The following GLCE variants were observed in gnomAD, a reference collection of about 807,000 sequenced individuals.
GLCE encodes the protein glucuronic acid epimerase, also known as D-glucuronyl C5-epimerase.
GLCE carries 19 observed loss-of-function variants against 47.9 expected under a neutral mutation model. That is an observed-to-expected ratio of 0.40 (90% confidence interval 0.28 to 0.58). GLCE has a LOEUF of 0.58. Ranked by LOEUF, GLCE falls within the 20% of genes least tolerant of loss-of-function variation. The probability of loss-of-function intolerance (pLI) is 0.48; values close to 1 mark genes in which losing one functional copy is unlikely to be tolerated. For missense variants in GLCE, 556 were observed against 743.3 expected, an observed-to-expected ratio of 0.75 and a Z score of 2.93; for synonymous variants, 245 against 263.4, an observed-to-expected ratio of 0.93 and a Z score of 0.68.
chr15:69,195,604 T>TG (rs2140357324), intron 1 of GLCE, among the ~76,000 whole-genome samples: 1 of 152,270 alleles, frequency 6.6e-6, no homozygotes, highest in African/African-American at 2.4e-5. Flanking sequence ...ATCAGTCGTG[T>TG]TGCTCCTTGT....
chr15:69,169,842 C>T (rs910323480), intron 1 of GLCE, among the ~76,000 whole-genome samples: 10 of 151,880 alleles, frequency 6.6e-5, no homozygotes, highest in African/African-American at 1.5e-4. Context: ...TGAATAGTGC[C>T]GCAATAAACA....
At chr15:69,266,990 A>G (rs563597332) in intron 4 of GLCE, among the ~76,000 whole-genome samples, 1 of 152,360 alleles carries the variant, frequency 6.6e-6, no homozygotes, top group East Asian at 1.9e-4. Flanking sequence ...AGCTGTGAAA[A>G]GATCAAGATA....
intron 2 of GLCE, among the ~76,000 whole-genome samples, chr15:69,224,507 A>T (rs561286632): frequency 6.6e-6 from 1 of 152,248 alleles, no homozygotes; most frequent in South Asian, 2.1e-4. Context: ...ATTTCAGGGG[A>T]GCAGGGGGGC....
At chr15:69,254,455 T>A (rs767157513) in intron 2 of GLCE, among the ~76,000 whole-genome samples, 1 of 152,088 alleles carries the variant, frequency 6.6e-6, no homozygotes, top group Non-Finnish European at 1.5e-5. Context: ...AAGAATAGAC[T>A]TGAGGGTGGA....
intron 1 of GLCE, among the ~76,000 whole-genome samples, chr15:69,206,850 T>G (rs1176007295): frequency 2.6e-5 from 4 of 152,070 alleles, no homozygotes; most frequent in Non-Finnish European, 5.9e-5. Context: ...TTTCAAGGCC[T>G]TCTCAGAGGA....
At position 69,269,326 on chromosome 15, in the gene GLCE, TA is replaced by T; in HGVS notation, c.*86del. ...GTCTCAGGAGAGCATAGGCACATTT[TA>T]AAAGGTTATGTACTAGGTTTTTGTG... is the stretch of plus-strand genomic sequence containing the variant. On this transcript the variant is annotated 3_prime_UTR_variant, in exon 5 of 5. Coordinates refer to ENST00000261858, the MANE Select transcript of GLCE (RefSeq NM_015554.3). The T allele has an allele frequency of 1.8e-6, 2 of 1,101,436 alleles. No homozygotes were observed. The highest frequency in any genetic ancestry group is 2.7e-6 in the Non-Finnish European group (2 of 751,814). The allele number at this position is 1,101,436 out of a possible 1,614,324, so 68.2% of individuals were successfully genotyped here.
In GLCE at chr15:69,271,858, C is replaced by T. The variant is rs1178191613; in HGVS notation, c.*2614C>T. On this transcript the variant is annotated 3_prime_UTR_variant, in exon 5 of 5. Coordinates refer to ENST00000261858, the MANE Select transcript of GLCE (RefSeq NM_015554.3). ...AATGACACAAGCACAACTCTCCAGA[C>T]GTGGCTCCTTCTCCTTTCTCAGTGC... 6.5e-6 allele frequency: 1 copy of T among 152,674 alleles called. No individual in the cohort carries two copies. Among genetic ancestry groups the T allele is most frequent in the Non-Finnish European group, 1.5e-5 (1 of 68,044 alleles). 9.5% of individuals were successfully genotyped at this position (152,674 alleles called of 1,614,324 possible). A position where few individuals can be genotyped will look rare whatever the true frequency, so the allele number is the denominator to read the frequency against.
chr15:69,193,869 C>T (rs2140355512), intron 1 of GLCE, among the ~76,000 whole-genome samples: 1 of 152,210 alleles, frequency 6.6e-6, no homozygotes, highest in East Asian at 1.9e-4. Flanking sequence ...TTAACTAGAT[C>T]ACATATTGCC....
At chr15:69,177,522 G>A (rs1595737792) in intron 1 of GLCE, among the ~76,000 whole-genome samples, 1 of 152,292 alleles carries the variant, frequency 6.6e-6, no homozygotes, top group East Asian at 1.9e-4. Flanking sequence ...AATTTAGTAA[G>A]TTTTGATGTA....
In GLCE at chr15:69,268,281, C is replaced by G. The variant is rs1364229415; in HGVS notation, c.891C>G (p.Asp297Glu). 1 of 1,612,194 alleles carries G rather than the reference C, an allele frequency of 6.2e-7. No homozygotes were observed. The highest frequency in any genetic ancestry group is 8.5e-7 in the Non-Finnish European group (1 of 1,178,828). The stretch of plus-strand genomic sequence containing the variant: ...CAAAAGATTTTATTATTTCATTTGA[C>G]CTCAAGTTCTTGACAAATGGAAGTG... ...GNTKDFIISF[D>E]LKFLTNGSVS... Residue 297 changes from aspartate to glutamate, a missense_variant, in exon 5 of 5, where the codon GAC becomes GAG. Physicochemically the swap from Asp to Glu is conservative, Grantham distance 45. Coordinates refer to ENST00000261858, the MANE Select transcript of GLCE (RefSeq NM_015554.3).
intron 1 of GLCE, among the ~76,000 whole-genome samples, chr15:69,185,406 C>T (rs552270401): frequency 6.6e-6 from 1 of 152,236 alleles, no homozygotes; most frequent in East Asian, 1.9e-4. Context: ...ATTTGTATCT[C>T]CTTTCTCTCT....
intron 4 of GLCE, among the ~76,000 whole-genome samples, chr15:69,266,433 C>G (rs2053087443): frequency 6.6e-6 from 1 of 152,100 alleles, no homozygotes; most frequent in African/African-American, 2.4e-5. Flanking sequence ...CTCAAGCAGT[C>G]CTCCCACGTT....
intron 2 of GLCE, among the ~76,000 whole-genome samples, chr15:69,236,680 C>T (rs1008546150): frequency 6.6e-6 from 1 of 152,134 alleles, no homozygotes; most frequent in South Asian, 2.1e-4. Context: ...ACACGTATCT[C>T]ATTTAGTTCT....
At chr15:69,249,571 A>G (rs2052807029) in intron 2 of GLCE, among the ~76,000 whole-genome samples, 1 of 152,176 alleles carries the variant, frequency 6.6e-6, no homozygotes, top group Non-Finnish European at 1.5e-5. Flanking sequence ...TAGGAAACAT[A>G]AATAGATGTG....
At chr15:69,190,825 G>A (rs1330086170) in intron 1 of GLCE, among the ~76,000 whole-genome samples, 1 of 151,910 alleles carries the variant, frequency 6.6e-6, no homozygotes, top group Non-Finnish European at 1.5e-5. Flanking sequence ...TTTTCTATTT[G>A]TCCCATTTCT....
intron 2 of GLCE, among the ~76,000 whole-genome samples, chr15:69,238,491 A>G (rs2052621822): frequency 1.3e-5 from 2 of 152,216 alleles, no homozygotes; most frequent in South Asian, 2.1e-4. Context: ...CTTAGCATAT[A>G]TGGTAAAACT....
chr15:69,249,076 AG>A (rs2052798348), intron 2 of GLCE, among the ~76,000 whole-genome samples: 1 of 152,206 alleles, frequency 6.6e-6, no homozygotes, highest in South Asian at 2.1e-4. Context: ...TGATGGGGTG[AG>A]AACTGGTATT....
chr15:69,219,365 T>C lies in GLCE; in HGVS notation c.-14+8959T>C, dbSNP rs192932983. Reference sequence around the variant, plus strand: ...AAAAGTGATAAATGTTAGTTGACATTTGGTAAGGAAAAAGTCCAATAATTT... The same window carrying C: ...AAAAGTGATAAATGTTAGTTGACATCTGGTAAGGAAAAAGTCCAATAATTT... On this transcript the variant is annotated intron_variant, in intron 2 of 4. Transcript: ENST00000261858. Among the ~76,000 whole-genome samples, 874 of 152,254 alleles carry C rather than the reference T, an allele frequency of 5.7e-3. 13 individuals carry two copies. The highest frequency in any genetic ancestry group is 0.045 in the Middle Eastern group (13 of 290).
intron 1 of GLCE, among the ~76,000 whole-genome samples, chr15:69,203,605 G>A (rs1280615440): frequency 6.6e-6 from 1 of 152,022 alleles, no homozygotes; most frequent in African/African-American, 2.4e-5. Flanking sequence ...GAAAGGATAT[G>A]GTACCAGGTA....
Sources: gnomAD v4.1 joint callset for allele counts (sites outside exome capture counted in the v4.1 genomes callset) on GRCh38, gnomAD v4.1.1 for gene constraint, MANE v1.5 for transcripts, NCBI Gene and HGNC (gene_info 2026-07-23, HGNC 2026-07-21) for gene names.